SOX6: variants seen among roughly 807,000 people sequenced by gnomAD.
SOX6 encodes transcription factor SOX-6.
In SOX6, 11 loss-of-function variants were observed where a neutral mutation model predicts 97.8. The observed-to-expected ratio is 0.11, with a 90% CI of 0.07 to 0.19. The LOEUF (loss-of-function observed/expected upper bound fraction) is 0.19, where lower values mean the gene tolerates loss of function less well. Ranked by LOEUF, SOX6 falls within the 10% of genes least tolerant of loss-of-function variation. The pLI is 1.00. For synonymous variants in SOX6, 360 were observed against 371.4 expected (o/e 0.97, Z 0.35); for missense variants, 810 against 1,039.5 (o/e 0.78, Z 3.04).
intron 6 of SOX6, among the ~76,000 whole-genome samples, chr11:16,156,666 CTCCA>C (rs1750078179): frequency 6.6e-6 from 1 of 151,934 alleles, no homozygotes; most frequent in Non-Finnish European, 1.5e-5. Context: ...GCTCTTTCTA[CTCCA>C]TCTTTACTGG....
chr11:16,441,934 T>A (rs1859511241), intron 1 of SOX6, among the ~76,000 whole-genome samples: 2 of 152,210 alleles, frequency 1.3e-5, no homozygotes, highest in African/African-American at 4.8e-5. Flanking sequence ...AACTGAGCAC[T>A]CCCTTGGGTG....
chr11:16,455,660 G>A (rs2133100868), intron 1 of SOX6, among the ~76,000 whole-genome samples: 1 of 152,054 alleles, frequency 6.6e-6, no homozygotes, highest in African/African-American at 2.4e-5. Flanking sequence ...ATTATTTTTA[G>A]GCACCCCCAA....
intron 12 of SOX6, among the ~76,000 whole-genome samples, chr11:16,038,926 T>C (rs900436956): frequency 3.3e-5 from 5 of 152,124 alleles, no homozygotes; most frequent in Admixed American, 2.6e-4. Context: ...CTTAGGTATG[T>C]CTGAAGCTTT....
At chr11:16,481,674 AC>A (rs561703629) in intron 4 of SOX6, among the ~76,000 whole-genome samples, 1 of 152,118 alleles carries the variant, frequency 6.6e-6, no homozygotes, top group Non-Finnish European at 1.5e-5. Context: ...CTTTATGGAA[AC>A]CATGTTACAA....
intron 3 of SOX6, among the ~76,000 whole-genome samples, chr11:16,643,406 C>T (rs1332838192): frequency 4.6e-5 from 7 of 152,344 alleles, no homozygotes; most frequent in Non-Finnish European, 8.8e-5. Context: ...AGATCTCAAG[C>T]TGTGTGCTGG....
At chr11:16,501,412 T>A (rs1433481827) in intron 4 of SOX6, among the ~76,000 whole-genome samples, 1 of 152,210 alleles carries the variant, frequency 6.6e-6, no homozygotes, top group Non-Finnish European at 1.5e-5. Context: ...AAGAACTTCG[T>A]GTCTAAAACA....
At chr11:16,606,169 C>T (rs1028598499) in intron 4 of SOX6, among the ~76,000 whole-genome samples, 5 of 151,802 alleles carry the variant, frequency 3.3e-5, no homozygotes, top group Non-Finnish European at 7.4e-5. Context: ...AGGGCTCTCC[C>T]GGGGTAGGCT....
chr11:16,492,208 A>G (rs1212189914), intron 4 of SOX6, among the ~76,000 whole-genome samples: 1 of 152,234 alleles, frequency 6.6e-6, no homozygotes, highest in African/African-American at 2.4e-5. Flanking sequence ...AGTAAAAGGC[A>G]TCTTTTAGTG....
intron 3 of SOX6, chr11:16,312,349 G>A (rs1855628905): frequency 6.6e-6 from 1 of 152,166 alleles, no homozygotes; most frequent in African/African-American, 2.4e-5. Context: ...AGACAGTTGA[G>A]AGTTTTATCA....
At chr11:16,442,205 C>G (rs1054856228) in intron 1 of SOX6, among the ~76,000 whole-genome samples, 1 of 152,156 alleles carries the variant, frequency 6.6e-6, no homozygotes, top group Non-Finnish European at 1.5e-5. Context: ...AACTTTTCAA[C>G]TTGTAAAGCA....
At chr11:16,390,113 C>G (rs893060595) in intron 1 of SOX6, among the ~76,000 whole-genome samples, 1 of 151,208 alleles carries the variant, frequency 6.6e-6, no homozygotes, top group African/African-American at 2.4e-5. Flanking sequence ...CAATCCTGTT[C>G]GTGGATGGTT....
In SOX6 at chr11:16,408,380, G is replaced by A. The variant is rs139264391; in HGVS notation, c.-4-67128C>T. On this transcript the variant is annotated intron_variant, in intron 1 of 15. Coordinates refer to the SOX6 transcript ENST00000396356. Reference sequence around the variant, plus strand: ...GAACAAAGACGGAAAAGGAAAGCTCGAACTCCTTAAGAACATTGTCTCTAC... The same window carrying A: ...GAACAAAGACGGAAAAGGAAAGCTCAAACTCCTTAAGAACATTGTCTCTAC... 2.0e-4 allele frequency among the ~76,000 whole-genome samples: 31 copies of A among 151,936 alleles called. No homozygotes were observed. The East Asian group carries it at 4.1e-3, about 20-fold the overall frequency.
At chr11:16,682,912 A>G (rs1244847699) in intron 3 of SOX6, among the ~76,000 whole-genome samples, 1 of 152,212 alleles carries the variant, frequency 6.6e-6, no homozygotes, top group Non-Finnish European at 1.5e-5. Context: ...AAATCAATGT[A>G]CAAAAATCAC....
chr11:16,432,046 A>G (rs1801599578), intron 1 of SOX6, among the ~76,000 whole-genome samples: 1 of 152,086 alleles, frequency 6.6e-6, no homozygotes, highest in South Asian at 2.1e-4. Flanking sequence ...ACCAATCACC[A>G]CTAAGTCCTA....
chr11:16,195,456 T>C (rs1851747093), intron 4 of SOX6, among the ~76,000 whole-genome samples: 1 of 152,178 alleles, frequency 6.6e-6, no homozygotes, highest in African/African-American at 2.4e-5. Context: ...CTAAGAGATA[T>C]ACAACTAAAA....
intron 2 of SOX6, chr11:16,736,189 T>C (rs1012784749): frequency 1.3e-5 from 2 of 152,178 alleles, no homozygotes; most frequent in Non-Finnish European, 2.9e-5. Context: ...GAAACAAAAA[T>C]GCAGATGCAA....
intron 6 of SOX6, among the ~76,000 whole-genome samples, chr11:16,169,856 C>T (rs577491086): frequency 1.5e-4 from 22 of 151,294 alleles, no homozygotes; most frequent in African/African-American, 4.1e-4. Context: ...TTTCAATGAA[C>T]AGAGATCAGC....
chr11:16,029,647 C>CA (rs1037892628), intron 12 of SOX6, among the ~76,000 whole-genome samples: 2,121 of 141,000 alleles, frequency 0.015, 43 homozygotes, highest in African/African-American at 0.05. Flanking sequence ...AAAAAAAAAA[C>CA]AAAAAAAAAA....
At chr11:16,463,045 G>A (rs1029427344) in intron 1 of SOX6, among the ~76,000 whole-genome samples, 1 of 152,100 alleles carries the variant, frequency 6.6e-6, no homozygotes, top group Non-Finnish European at 1.5e-5. Context: ...AACACTTCTA[G>A]GGCCAAATAT....
Sources: gnomAD v4.1 joint callset for allele counts (sites outside exome capture counted in the v4.1 genomes callset) on GRCh38, gnomAD v4.1.1 for gene constraint, MANE v1.5 for transcripts, NCBI Gene and HGNC (gene_info 2026-07-23, HGNC 2026-07-21) for gene names.